OTOGL: variants seen among roughly 807,000 people sequenced by gnomAD.
The protein encoded by OTOGL is otogelin-like protein.
A neutral mutation model predicts 318.5 loss-of-function variants in OTOGL; 285 were observed. The ratio of observed to expected loss-of-function variants is 0.89; its 90% CI spans 0.81 to 0.99. OTOGL has a LOEUF of 0.99. Among genes scored for constraint, OTOGL ranks in the 50% least tolerant of loss-of-function variants. The probability of loss-of-function intolerance (pLI) is 0.00; values close to 1 mark genes in which losing one functional copy is unlikely to be tolerated. For synonymous variants in OTOGL, 987 were observed against 936.5 expected, an observed-to-expected ratio of 1.05 and a Z score of -0.99; for missense variants, 2,899 against 2,845.6, an observed-to-expected ratio of 1.02 and a Z score of -0.43.
intron 1 of OTOGL, among the ~76,000 whole-genome samples, chr12:80,206,461 T>C (rs1456068921): frequency 6.6e-6 from 1 of 152,184 alleles, no homozygotes; most frequent in African/African-American, 2.4e-5. Context: ...AAGCTTGCTC[T>C]ATCTATAAAA....
rs904765842 is a variant in OTOGL at position 80,203,329 on chromosome 12, A to AT, written c.-19-6072dup. Among the ~76,000 whole-genome samples the AT allele has an allele frequency of 3.7e-4, 54 of 146,420 alleles. No individual in the cohort carries two copies. In the Middle Eastern group the frequency reaches 0.01, roughly 28 times the overall value. On this transcript the variant is annotated intron_variant, in intron 1 of 58. Coordinates refer to ENST00000547103, the MANE Select transcript of OTOGL (RefSeq NM_001378609.3). ...TTCTGACTGCTTTTTCCATCTTCAA[A>AT]TTTTTTTTTTTTCACTTATAAGGAC...
intron 1 of OTOGL, among the ~76,000 whole-genome samples, chr12:80,102,025 A>C (rs1295269870): frequency 6.6e-6 from 1 of 152,202 alleles, no homozygotes; most frequent in Non-Finnish European, 1.5e-5. Context: ...CTTATGCAAC[A>C]ATTTTTCCAA....
chr12:80,163,919 A>C lies in OTOGL; in HGVS notation c.-19-45494A>C, dbSNP rs576967817. Among the ~76,000 whole-genome samples the C allele has an allele frequency of 3.3e-5, 5 of 152,300 alleles. No individual in the cohort carries two copies. In the East Asian group the frequency reaches 9.6e-4, roughly 29 times the overall value. ...TATACTCTCATTCTTCAATGGGAGAAACAATGAAGTCACATGACAAAGGCC... is the reference window on the plus strand; with the variant it reads ...TATACTCTCATTCTTCAATGGGAGACACAATGAAGTCACATGACAAAGGCC... On this transcript the variant is annotated intron_variant, in intron 1 of 58. Coordinates refer to ENST00000547103, the MANE Select transcript of OTOGL (RefSeq NM_001378609.3).
intron 52 of OTOGL, among the ~76,000 whole-genome samples, chr12:80,363,650 G>A (rs915546493): frequency 6.6e-6 from 1 of 152,136 alleles, no homozygotes; most frequent in Non-Finnish European, 1.5e-5. Context: ...CATTACAATG[G>A]CCAGTGGAGC....
At chr12:80,261,542 C>T (rs144728238) in intron 18 of OTOGL, among the ~76,000 whole-genome samples, 2 of 152,044 alleles carry the variant, frequency 1.3e-5, no homozygotes, top group East Asian at 1.9e-4. Flanking sequence ...ATGTGAAATG[C>T]CCATACTAAC....
At chr12:80,306,198 T>A (rs1431640967) in intron 29 of OTOGL, among the ~76,000 whole-genome samples, 2 of 152,228 alleles carry the variant, frequency 1.3e-5, no homozygotes, top group African/African-American at 4.8e-5. Flanking sequence ...AGCAGTTGGC[T>A]AAATTAATTT....
At chr12:80,174,914 G>A (rs868536124) in intron 1 of OTOGL, among the ~76,000 whole-genome samples, 7 of 149,386 alleles carry the variant, frequency 4.7e-5, no homozygotes, top group Admixed American at 1.4e-4. Context: ...AATAAGTGGC[G>A]AGGGCTAAAA....
intron 8 of OTOGL, among the ~76,000 whole-genome samples, chr12:80,231,336 T>C (rs1314009846): frequency 6.6e-6 from 1 of 152,198 alleles, no homozygotes; most frequent in Admixed American, 6.5e-5. Flanking sequence ...ATTCTCCAAT[T>C]TAAACATTTA....
intron 1 of OTOGL, chr12:80,132,451 A>G (rs1415539132): frequency 6.6e-6 from 1 of 151,792 alleles, no homozygotes; most frequent in African/African-American, 2.4e-5. Context: ...TTTTTCTCTG[A>G]AAATGTTTTA....
intron 1 of OTOGL, among the ~76,000 whole-genome samples, chr12:80,173,437 G>T (rs1048767604): frequency 6.6e-6 from 1 of 152,126 alleles, no homozygotes; most frequent in African/African-American, 2.4e-5. Flanking sequence ...AACTGCCGTG[G>T]TGGTGGTGGG....
Position 80,329,114 on chromosome 12 carries a change from T to C in OTOGL, c.4343T>C (p.Phe1448Ser), listed in dbSNP as rs1887904452. ...MPPAKPTVPMFTVWEMITPSD... is the reference protein window; with the variant it reads ...MPPAKPTVPMSTVWEMITPSD... ...CCAGCTAAGCCAACTGTGCCCATGTTTACAGGTATTGTTATAATTTTAGAC... is the reference window on the plus strand; with the variant it reads ...CCAGCTAAGCCAACTGTGCCCATGTCTACAGGTATTGTTATAATTTTAGAC... Residue 1448 changes from phenylalanine (F) to serine (S), a missense_variant, in exon 37 of 59, where the codon TTT becomes TCT. Around this residue, in one of 3 missense-constraint regions of OTOGL, gnomAD observed 2,607 missense variants for 2,524.9 expected, o/e 1.03. Transcript: ENST00000547103. 3 of 1,527,400 alleles carry C rather than the reference T, an allele frequency of 2.0e-6. No homozygotes were observed. Among genetic ancestry groups the C allele is most frequent in the Non-Finnish European group, 2.6e-6 (3 of 1,146,646 alleles). The allele number at this position is 1,527,400 out of a possible 1,614,324, so 94.6% of individuals were successfully genotyped here. A position where few individuals can be genotyped will look rare whatever the true frequency, so the allele number is the denominator to read the frequency against.
chr12:80,229,796 C>G (rs1168909227), intron 8 of OTOGL, among the ~76,000 whole-genome samples: 1 of 151,980 alleles, frequency 6.6e-6, no homozygotes, highest in Admixed American at 6.6e-5. Context: ...GGAAAGGATT[C>G]TGGAAGTTCT....
intron 1 of OTOGL, among the ~76,000 whole-genome samples, chr12:80,193,194 A>G (rs1467542051): frequency 6.6e-6 from 1 of 152,144 alleles, no homozygotes; most frequent in East Asian, 1.9e-4. Flanking sequence ...TTTTAAACAG[A>G]ACATAATTTA....
intron 11 of OTOGL, among the ~76,000 whole-genome samples, chr12:80,243,798 A>G (rs1880594151): frequency 6.7e-6 from 1 of 148,394 alleles, no homozygotes; most frequent in Non-Finnish European, 1.5e-5. Flanking sequence ...TTTTATATAT[A>G]AAATATATAT....
At chr12:80,270,424 C>A (rs1883324118) in intron 23 of OTOGL, among the ~76,000 whole-genome samples, 1 of 152,128 alleles carries the variant, frequency 6.6e-6, no homozygotes, top group South Asian at 2.1e-4. Flanking sequence ...ACCACAGGAC[C>A]ACCTCAGGCA....
intron 1 of OTOGL, among the ~76,000 whole-genome samples, chr12:80,133,196 G>T (rs866781094): frequency 6.6e-6 from 1 of 151,674 alleles, no homozygotes; most frequent in Non-Finnish European, 1.5e-5. Flanking sequence ...AAAAAAGAGG[G>T]CTCATTACCT....
chr12:80,258,144 G>A (rs1226781743), intron 18 of OTOGL, 142 bp downstream of exon 18: 1 of 790,258 alleles, frequency 1.3e-6, no homozygotes. Flanking sequence ...TATTTAAAAT[G>A]TATAGCAATC....
At chr12:80,230,303 A>G (rs561938004) in intron 8 of OTOGL, among the ~76,000 whole-genome samples, 1 of 152,198 alleles carries the variant, frequency 6.6e-6, no homozygotes, top group South Asian at 2.1e-4. Flanking sequence ...CAGCCAGACA[A>G]CCCAGAGCAG....
At position 80,318,711 on chromosome 12, in the gene OTOGL, CAT is replaced by C; in HGVS notation, c.3801_3802del (p.Ser1268IlefsTer10). 1 of 1,258,550 alleles carries C rather than the reference CAT, an allele frequency of 7.9e-7. No homozygotes were observed. The highest frequency in any genetic ancestry group is 1.0e-6 in the Non-Finnish European group (1 of 982,548). The allele number at this position is 1,258,550 out of a possible 1,614,324, so 78.0% of individuals were successfully genotyped here. On this transcript the variant is annotated frameshift_variant and splice_region_variant, in exon 33 of 59. Coordinates refer to ENST00000547103, the MANE Select transcript of OTOGL (RefSeq NM_001378609.3). LOFTEE classifies it high-confidence loss of function. ...CCAGGCCTTTTCAAAGAGAAGGTAT[CAT>C]GTAAGTATAATTGAAAATAAGAGTT...
Sources: gnomAD v4.1 joint callset for allele counts (sites outside exome capture counted in the v4.1 genomes callset) on GRCh38, gnomAD v4.1.1 for gene constraint, gnomAD v4.1.1 regional missense constraint, MANE v1.5 for transcripts, NCBI Gene and HGNC (gene_info 2026-07-23, HGNC 2026-07-21) for gene names.